The following MRPL43 variants were observed in gnomAD, a reference collection of about 807,000 sequenced individuals.
The protein encoded by MRPL43 is large ribosomal subunit protein mL43.
MRPL43 carries 9 observed loss-of-function variants against 12.7 expected under a neutral mutation model. The ratio of observed to expected loss-of-function variants is 0.71; its 90% CI spans 0.43 to 1.24. The LOEUF is 1.24. MRPL43 is among the 50% of genes most tolerant of loss of function. The pLI is 0.00. For missense variants in MRPL43, 211 were observed against 229.2 expected (o/e 0.92, Z 0.51); for synonymous variants, 116 against 96.4 (o/e 1.20, Z -1.19).
chr10:100,987,131 T>G lies in MRPL43; in HGVS notation c.197A>C (p.Asn66Thr). 1 of 1,613,244 alleles carries G rather than the reference T, an allele frequency of 6.2e-7. No individual in the cohort carries two copies. Among genetic ancestry groups the G allele is most frequent in the Non-Finnish European group, 8.5e-7 (1 of 1,179,928 alleles). Reference sequence around the variant, plus strand: ...TCTGGGCACGCAGCACGGACGCGAGTTTACATATATTACGACCCCTGGATT... The same window carrying G: ...TCTGGGCACGCAGCACGGACGCGAGGTTACATATATTACGACCCCTGGATT... ...RRNPGVVIYV[N>T]SRPCCVPRVV... is the part of the protein sequence containing the mutation. Residue 66 changes from asparagine to threonine, a missense_variant, in exon 2 of 3, where the codon AAC (asparagine) becomes ACC (threonine). Asn to Thr is a moderately conservative substitution (Grantham distance 65). Transcript: ENST00000318364.
At chr10:100,981,183 G>A (rs995770723), downstream of MRPL43, 4 of 1,614,120 alleles carry the variant, frequency 2.5e-6, no homozygotes, top group Admixed American at 6.7e-5. Flanking sequence ...CACTGATACA[G>A]GACATAGAGA....
rs778152208 is a variant in MRPL43 at position 100,987,153 on chromosome 10, G to A, written c.175C>T (p.Pro59Ser). 2 of 1,613,916 alleles carry A rather than the reference G, an allele frequency of 1.2e-6. No homozygotes were observed. Among genetic ancestry groups the A allele is most frequent in the South Asian group, 1.1e-5 (1 of 91,086 alleles). The change falls in exon 2 of 3, where the codon CCA becomes TCA. Residue 59 changes from proline (P) to serine (S), a missense_variant. By Grantham distance (74) the Pro-to-Ser change is moderately conservative. Coordinates refer to ENST00000318364, the MANE Select transcript of MRPL43 (RefSeq NM_032112.3). ...GAGTTTACATATATTACGACCCCTG[G>A]ATTCCGTCGGGCGAAGTCGATCACC... is the stretch of plus-strand genomic sequence containing the variant. ...REVIDFARRN[P>S]GVVIYVNSRP...
Position 100,986,576 on chromosome 10 carries a change from G to T in MRPL43, c.*158C>A, listed in dbSNP as rs1851486807. On this transcript the variant is annotated 3_prime_UTR_variant, in exon 3 of 3. Coordinates refer to ENST00000318364, the MANE Select transcript of MRPL43 (RefSeq NM_032112.3). Reference sequence around the variant, plus strand: ...TCACTGCCCCCAGAAGCAGGCACTGGAAAGAAACAGGCAGCTCTTCATTAT... The same window carrying T: ...TCACTGCCCCCAGAAGCAGGCACTGTAAAGAAACAGGCAGCTCTTCATTAT... 6.3e-7 allele frequency: 1 copy of T among 1,588,212 alleles called. No homozygotes were observed. Among genetic ancestry groups the T allele is most frequent in the Non-Finnish European group, 8.6e-7 (1 of 1,167,768 alleles).
chr10:100,984,762 G>A (rs1398820091), downstream of MRPL43: 4 of 1,536,048 alleles, frequency 2.6e-6, no homozygotes, highest in Non-Finnish European at 3.5e-6. Context: ...CCCATGTGGT[G>A]ACCTCTTTGT....
At chr10:100,979,314 A>T (rs1850941258), downstream of MRPL43, 11 of 1,614,104 alleles carry the variant, frequency 6.8e-6, no homozygotes, top group East Asian at 2.0e-4. Context: ...TGCGGACAGC[A>T]TAGGGGCTGG....
chr10:100,983,378 C>T (rs183718929), downstream of MRPL43: 5 of 1,608,962 alleles, frequency 3.1e-6, no homozygotes, highest in Non-Finnish European at 4.2e-6. Flanking sequence ...ACCAGCCATC[C>T]AACCTGGCCC....
At chr10:100,984,970 T>G, downstream of MRPL43, 2 of 1,389,588 alleles carry the variant, frequency 1.4e-6, no homozygotes, top group Non-Finnish European at 9.5e-7. Flanking sequence ...TGCTTACATT[T>G]CCACTCACAT....
At chr10:100,978,641 G>T (rs1472037881), downstream of MRPL43, 8 of 1,612,904 alleles carry the variant, frequency 5.0e-6, no homozygotes, top group Non-Finnish European at 6.8e-6. Context: ...TGGCTCAATG[G>T]TTAGGAGGAT....
At chr10:100,985,027 A>C, downstream of MRPL43, 1 of 1,024,766 alleles carries the variant, frequency 9.8e-7, no homozygotes, top group Non-Finnish European at 1.4e-6. Flanking sequence ...TGTTGGGTTT[A>C]GTCCGTGGAC....
At chr10:100,984,493 G>C (rs2133910482), downstream of MRPL43, 1 of 1,533,860 alleles carries the variant, frequency 6.5e-7, no homozygotes, top group South Asian at 1.2e-5. Flanking sequence ...CTCCCAGGCA[G>C]GGCTCTGCAG....
At chr10:100,983,612 G>A (rs749431067), downstream of MRPL43, 4 of 1,613,940 alleles carry the variant, frequency 2.5e-6, no homozygotes, top group Non-Finnish European at 3.4e-6. Flanking sequence ...CCACACCTGG[G>A]GCACAGCTGG....
Position 100,986,628 on chromosome 10 carries a change from C to T in MRPL43, c.*106G>A, listed in dbSNP as rs891613626. The T allele has an allele frequency of 3.1e-6, 5 of 1,613,428 alleles. No individual in the cohort carries two copies. Among genetic ancestry groups the T allele is most frequent in the African/African-American group, 2.7e-5 (2 of 74,918 alleles). ...CCAAGCAGAACCTCTGTCAACTTGC[C>T]CATTGATGGGTTCCATTTGCCTGGG... On this transcript the variant is annotated 3_prime_UTR_variant, in exon 3 of 3. Coordinates refer to ENST00000318364, the MANE Select transcript of MRPL43 (RefSeq NM_032112.3).
downstream of MRPL43, chr10:100,980,146 C>G (rs761753573): frequency 2.5e-6 from 4 of 1,614,224 alleles, no homozygotes; most frequent in Non-Finnish European, 3.4e-6. Context: ...ATTGCGCAGC[C>G]AAGGCTACAA....
downstream of MRPL43, among the ~76,000 whole-genome samples, chr10:100,982,430 A>G (rs564952776): frequency 1.1e-4 from 17 of 152,376 alleles, no homozygotes; most frequent in African/African-American, 4.1e-4. Context: ...GCCAGGAGTC[A>G]TGGAAGGAGA....
At chr10:100,983,010 G>A (rs893824947), downstream of MRPL43, among the ~76,000 whole-genome samples, 2 of 152,240 alleles carry the variant, frequency 1.3e-5, no homozygotes, top group Non-Finnish European at 2.9e-5. Context: ...CTGGCACTCA[G>A]GAGAGAAGTC....
downstream of MRPL43, chr10:100,984,913 G>A (rs1851359112): frequency 6.9e-7 from 1 of 1,450,674 alleles, no homozygotes; most frequent in Non-Finnish European, 9.1e-7. Flanking sequence ...CTCCAGGCAT[G>A]TCCCATCCCC....
At chr10:100,979,316 A>G (rs1476780434), downstream of MRPL43, 1 of 1,614,006 alleles carries the variant, frequency 6.2e-7, no homozygotes, top group East Asian at 2.2e-5. Flanking sequence ...CGGACAGCAT[A>G]GGGGCTGGAG....
downstream of MRPL43, chr10:100,979,008 G>A (rs1224011022): frequency 8.7e-6 from 14 of 1,613,900 alleles, no homozygotes; most frequent in African/African-American, 2.7e-5. Context: ...CGTGTGGCTC[G>A]TGTCTGCAAG....
downstream of MRPL43, chr10:100,978,355 G>A (rs1198014436): frequency 1.2e-6 from 2 of 1,613,478 alleles, no homozygotes; most frequent in Admixed American, 3.3e-5. Context: ...GTGTCCTTAT[G>A]ACCCAGCCCG....
Sources: allele counts gnomAD v4.1 joint callset (sites outside exome capture counted in the v4.1 genomes callset), GRCh38; gene constraint gnomAD v4.1.1; transcripts MANE v1.5; gene names NCBI Gene and HGNC (gene_info 2026-07-23, HGNC 2026-07-21).